The following CARM1 variants were observed in gnomAD, a reference collection of about 807,000 sequenced individuals.
CARM1 encodes coactivator associated arginine methyltransferase 1.
A neutral mutation model predicts 72.7 loss-of-function variants in CARM1; 14 were observed. The ratio of observed to expected loss-of-function variants is 0.19; its 90% CI spans 0.13 to 0.30. The LOEUF is 0.30. Among genes scored for constraint, CARM1 ranks in the 10% least tolerant of loss-of-function variants. The pLI is 1.00. For synonymous variants in CARM1, 333 were observed against 345.5 expected (o/e 0.96, Z 0.40); for missense variants, 432 against 833.7 (o/e 0.52, Z 5.93).
chr19:10,900,554 G>A (rs1433418276), intron 1 of CARM1, among the ~76,000 whole-genome samples: 2 of 152,118 alleles, frequency 1.3e-5, no homozygotes, highest in Non-Finnish European at 2.9e-5. Flanking sequence ...TTATAGATAA[G>A]CCATATTTGT....
rs1249376009 is a variant in CARM1, at chr19:10,921,786, G to A, written c.*29G>A. 1 of 1,559,916 alleles carries A rather than the reference G, an allele frequency of 6.4e-7. No individual in the cohort carries two copies. The highest frequency in any genetic ancestry group is 1.2e-5 in the South Asian group (1 of 85,786). ...CCCGCCCCGCGGACTGACAGCACCA[G>A]GAAACCAAATGATGTCCCTGCCCGC... is the stretch of plus-strand genomic sequence containing the variant. On this transcript the variant is annotated 3_prime_UTR_variant, in exon 16 of 16. Coordinates refer to ENST00000327064, the MANE Select transcript of CARM1 (RefSeq NM_199141.2).
Position 10,902,192 on chromosome 19 carries a change from G to A in CARM1, c.221-2759G>A, listed in dbSNP as rs1405976960. On this transcript the variant is annotated intron_variant, in intron 1 of 15. Coordinates refer to ENST00000327064, the MANE Select transcript of CARM1 (RefSeq NM_199141.2). Reference sequence around the variant, plus strand: ...ATCTGGGAGGCAGAGGTCACAGCAAGCCAAAATTGTGCCACTGCATTCCAG... The same window carrying A: ...ATCTGGGAGGCAGAGGTCACAGCAAACCAAAATTGTGCCACTGCATTCCAG... 2.0e-5 allele frequency among the ~76,000 whole-genome samples: 3 copies of A among 151,780 alleles called. No homozygotes were observed. The East Asian group carries it at 5.8e-4, about 30-fold the overall frequency.
chr19:10,876,642 C>G (rs1274169113), intron 1 of CARM1, among the ~76,000 whole-genome samples: 2 of 152,274 alleles, frequency 1.3e-5, no homozygotes, highest in Non-Finnish European at 2.9e-5. Flanking sequence ...TGGCCTACGT[C>G]CATGAGATTG....
chr19:10,904,759 C>T (rs1449382681), intron 1 of CARM1, among the ~76,000 whole-genome samples, 192 bp from the exon 2 acceptor site: 1 of 152,248 alleles, frequency 6.6e-6, no homozygotes, highest in African/African-American at 2.4e-5. Flanking sequence ...GCTGTCTGAT[C>T]AGTCGCTCCC....
rs193091490 is a variant in CARM1 at position 10,901,373 on chromosome 19, C to T, written c.221-3578C>T. Among the ~76,000 whole-genome samples the T allele has an allele frequency of 8.8e-4, 134 of 152,014 alleles. 1 individual carries two copies. The East Asian group carries it at 0.018, about 21-fold the overall frequency. ...CCCAGGCTGGAGTGCAGTGGCTGTT[C>T]ACAGGCAGTCATAGCTAACTGCAAC... On this transcript the variant is annotated intron_variant, in intron 1 of 15. Coordinates refer to ENST00000327064, the MANE Select transcript of CARM1 (RefSeq NM_199141.2).
At chr19:10,917,877 G>GT (rs906158707) in intron 8 of CARM1, among the ~76,000 whole-genome samples, 10 of 151,948 alleles carry the variant, frequency 6.6e-5, no homozygotes, top group African/African-American at 2.4e-4. Flanking sequence ...CTCCCAGCTA[G>GT]TTTTTTGTAA....
intron 8 of CARM1, among the ~76,000 whole-genome samples, chr19:10,917,773 T>C (rs1308769848): frequency 3.4e-5 from 5 of 149,080 alleles, no homozygotes; most frequent in African/African-American, 1.2e-4. Flanking sequence ...GCTGGAGTGC[T>C]GTGGCATGAT....
In CARM1 at chr19:10,909,219, G is replaced by A. The variant is rs372839642; in HGVS notation, c.558+12G>A. 1.4e-4 allele frequency: 213 copies of A among 1,549,162 alleles called. No individual in the cohort carries two copies. The African/African-American group carries it at 2.1e-3, about 15-fold the overall frequency. On this transcript the variant is annotated intron_variant, in intron 4 of 15. Transcript: ENST00000327064. Reference sequence around the variant, plus strand: ...ACTTCAAGGACAAGGTGAGTGGCCCGCGCATGTGCCCACCTCTCTGCTTCT... The same window carrying A: ...ACTTCAAGGACAAGGTGAGTGGCCCACGCATGTGCCCACCTCTCTGCTTCT...
chr19:10,874,939 G>A (rs934093278), intron 1 of CARM1, among the ~76,000 whole-genome samples: 5 of 151,800 alleles, frequency 3.3e-5, no homozygotes, highest in African/African-American at 1.2e-4. Flanking sequence ...TGGGAGGATC[G>A]CTTGAACCAG....
intron 2 of CARM1, 89 bp downstream of exon 2, chr19:10,905,165 GCCCGTGCAT>G: frequency 2.0e-6 from 3 of 1,500,348 alleles, no homozygotes; most frequent in Non-Finnish European, 1.8e-6. Context: ...CTGAGGGGTG[GCCCGTGCAT>G]CCTTAAGAAG....
At chr19:10,895,190 C>G (rs1012151133) in intron 1 of CARM1, among the ~76,000 whole-genome samples, 12 of 152,278 alleles carry the variant, frequency 7.9e-5, no homozygotes, top group African/African-American at 2.9e-4. Flanking sequence ...CTGCAACCTC[C>G]GCCTCCCAGG....
chr19:10,885,260 C>T (rs1599687438), intron 1 of CARM1, among the ~76,000 whole-genome samples: 1 of 152,126 alleles, frequency 6.6e-6, no homozygotes, highest in Non-Finnish European at 1.5e-5. Flanking sequence ...GGCTCTGTGC[C>T]CCCCCACCCC....
chr19:10,893,752 T>C (rs1190770523), intron 1 of CARM1, among the ~76,000 whole-genome samples: 1 of 152,172 alleles, frequency 6.6e-6, no homozygotes. Context: ...CTAGTGAAGT[T>C]CCAGGATGGT....
intron 2 of CARM1, among the ~76,000 whole-genome samples, chr19:10,906,649 A>G (rs2074106299): frequency 6.6e-6 from 1 of 151,946 alleles, no homozygotes; most frequent in African/African-American, 2.4e-5. Flanking sequence ...TTTTTAGTAG[A>G]GACGGGGGTT....
chr19:10,916,331 G>A lies in CARM1; in HGVS notation c.848-76G>A. 2.0e-6 allele frequency: 2 copies of A among 986,674 alleles called. No homozygotes were observed. Among genetic ancestry groups the A allele is most frequent in the African/African-American group, 1.6e-5 (1 of 63,126 alleles). The allele number at this position is 986,674 out of a possible 1,614,324, so 61.1% of individuals were successfully genotyped here. The stretch of plus-strand genomic sequence containing the variant: ...GGAGCACCCAGGGTTGGGGGTCTTG[G>A]GGTCCTTTGGAAGCTCTGCCAGGCA... On this transcript the variant is annotated intron_variant, in intron 6 of 15. Transcript: ENST00000327064. The surrounding 1 kb of genome is among the most constrained non-coding windows in gnomAD (Gnocchi z 4.4).
Position 10,878,732 on chromosome 19 carries a change from C to CTAAAAAA in CARM1, c.220+6814_220+6815insAAATAAA, listed in dbSNP as rs1472169965. 2.6e-5 allele frequency among the ~76,000 whole-genome samples: 4 copies of CTAAAAAA among 151,704 alleles called. No homozygotes were observed. In the East Asian group the frequency reaches 5.8e-4, roughly 22 times the overall value. ...GCATTTTATTTTTTGTGCTCTAATGCTAAAGTGTGAAGATTGTCAGGTGCC... is the reference window on the plus strand; with the variant it reads ...GCATTTTATTTTTTGTGCTCTAATGCTAAAAAATAAAGTGTGAAGATTGTCAGGTGCC... On this transcript the variant is annotated intron_variant, in intron 1 of 15. Transcript: ENST00000327064.
At chr19:10,881,686 G>A (rs1371670610) in intron 1 of CARM1, among the ~76,000 whole-genome samples, 1 of 151,862 alleles carries the variant, frequency 6.6e-6, no homozygotes, top group Non-Finnish European at 1.5e-5. Context: ...GAGAGCAGGG[G>A]GGACGGTGAC....
chr19:10,905,190 A>G (rs1315317228), intron 2 of CARM1, 114 bp downstream of exon 2: 2 of 1,302,890 alleles, frequency 1.5e-6, no homozygotes, highest in Non-Finnish European at 2.1e-6. Flanking sequence ...AGAAGGCTCC[A>G]CTGCCCTCAA....
chr19:10,920,040 G>A lies in CARM1; in HGVS notation c.1196+74G>A, dbSNP rs1308526838. 2 of 1,181,128 alleles carry A rather than the reference G, an allele frequency of 1.7e-6. No individual in the cohort carries two copies. Among genetic ancestry groups the A allele is most frequent in the African/African-American group, 3.0e-5 (2 of 66,782 alleles). The allele number at this position is 1,181,128 out of a possible 1,614,324, so 73.2% of individuals were successfully genotyped here. On this transcript the variant is annotated intron_variant, in intron 10 of 15. Coordinates refer to ENST00000327064, the MANE Select transcript of CARM1 (RefSeq NM_199141.2). The surrounding 1 kb of genome is among the most constrained non-coding windows in gnomAD (Gnocchi z 5.3). The stretch of plus-strand genomic sequence containing the variant: ...TTCCTGCAGCTGCAACCTGGCTGGG[G>A]GGGTGGAACATGGCTCCAGGTTCCA...
Sources: gnomAD v4.1 joint callset for allele counts (sites outside exome capture counted in the v4.1 genomes callset) on GRCh38, gnomAD v4.1.1 for gene constraint, Gnocchi (gnomAD v3.1) non-coding constraint, MANE v1.5 for transcripts, NCBI Gene and HGNC (gene_info 2026-07-23, HGNC 2026-07-21) for gene names.